The following RHOBTB3 variants were observed in gnomAD, a reference collection of about 807,000 sequenced individuals.
RHOBTB3 encodes the protein rho-related BTB domain-containing protein 3.
RHOBTB3 carries 47 observed loss-of-function variants against 67.2 expected under a neutral mutation model. The observed-to-expected ratio is 0.70, with a 90% CI of 0.55 to 0.89. RHOBTB3 has a LOEUF of 0.89. Ranked by LOEUF, RHOBTB3 falls within the 40% of genes least tolerant of loss-of-function variation. The pLI is 0.00. For synonymous variants in RHOBTB3, 273 were observed against 274.2 expected (o/e 1.00, Z 0.04); for missense variants, 631 against 750.0 (o/e 0.84, Z 1.85).
At chr5:95,790,798 C>A (rs760503266) in intron 11 of RHOBTB3, among the ~76,000 whole-genome samples, 1 of 152,222 alleles carries the variant, frequency 6.6e-6, no homozygotes, top group Non-Finnish European at 1.5e-5. Context: ...TAGTTACTAA[C>A]TGGCCATCTA....
intron 6 of RHOBTB3, among the ~76,000 whole-genome samples, chr5:95,761,491 C>T (rs778937107): frequency 7.9e-5 from 12 of 151,968 alleles, no homozygotes; most frequent in South Asian, 4.1e-4. Context: ...TACAGGCAGA[C>T]GCCACCATGC....
chr5:95,735,372 C>T (rs1755429446), intron 2 of RHOBTB3, among the ~76,000 whole-genome samples: 1 of 150,296 alleles, frequency 6.7e-6, no homozygotes, highest in Non-Finnish European at 1.5e-5. Flanking sequence ...TCTGAGTGTA[C>T]TTGTGGGAAA....
chr5:95,770,299 A>G (rs1278690577), intron 8 of RHOBTB3: 2 of 283,264 alleles, frequency 7.1e-6, no homozygotes, highest in Non-Finnish European at 1.5e-5. Flanking sequence ...AAGAGCTGCT[A>G]CTGAAGAAGA....
chr5:95,743,479 G>A (rs1369463594), intron 3 of RHOBTB3, among the ~76,000 whole-genome samples: 1 of 152,018 alleles, frequency 6.6e-6, no homozygotes, highest in Non-Finnish European at 1.5e-5. Flanking sequence ...GCTGCAGTGT[G>A]AGCCTGTACT....
intron 4 of RHOBTB3, among the ~76,000 whole-genome samples, chr5:95,749,355 G>A (rs183110549): frequency 1.3e-5 from 2 of 152,294 alleles, no homozygotes; most frequent in Non-Finnish European, 2.9e-5. Context: ...AAATGTTGAG[G>A]TTCCACAGAT....
At chr5:95,792,388 G>GA (rs752562205) in intron 11 of RHOBTB3, among the ~76,000 whole-genome samples, 16,628 of 83,244 alleles carry the variant, frequency 0.2, 1,648 homozygotes, top group South Asian at 0.31. Context: ...CTCCGTCTCA[G>GA]AAAAAAAAAA....
intron 5 of RHOBTB3, among the ~76,000 whole-genome samples, chr5:95,753,795 TAC>T (rs1279669105): frequency 1.3e-5 from 2 of 152,148 alleles, no homozygotes; most frequent in African/African-American, 2.4e-5. Flanking sequence ...AGCAAAACAT[TAC>T]ATGTCATTTA....
Position 95,785,085 on chromosome 5 carries a change from C to G in RHOBTB3, c.1623+1122C>G, listed in dbSNP as rs540253223. ...CTCCATCCACATTGCTAAAATGGAG[C>G]CACATGATGGGGCAAATTCCAGATC... On this transcript the variant is annotated intron_variant, in intron 10 of 11. Transcript: ENST00000379982. 9.6e-4 allele frequency among the ~76,000 whole-genome samples: 146 copies of G among 152,320 alleles called. 4 individuals carry two copies. The South Asian group carries it at 0.029, about 31-fold the overall frequency.
intron 3 of RHOBTB3, among the ~76,000 whole-genome samples, chr5:95,743,458 C>T (rs531966144): frequency 6.6e-6 from 1 of 152,170 alleles, no homozygotes; most frequent in South Asian, 2.1e-4. Flanking sequence ...GCAGGGAGCA[C>T]TCTAGGTGTG....
intron 3 of RHOBTB3, among the ~76,000 whole-genome samples, chr5:95,744,363 G>C (rs2432034): frequency 0.49 from 75,124 of 151,918 alleles, 19,207 homozygotes; most frequent in East Asian, 0.83. Context: ...CTCCTCTGTT[G>C]TGTGGTGGCT....
intron 1 of RHOBTB3, among the ~76,000 whole-genome samples, chr5:95,725,603 CT>C (rs551959637): frequency 6.6e-6 from 1 of 152,206 alleles, no homozygotes. Flanking sequence ...CTTTTCTGCA[CT>C]TTTTTTGTGT....
At chr5:95,760,201 A>G (rs1221270452) in intron 6 of RHOBTB3, among the ~76,000 whole-genome samples, 1 of 152,252 alleles carries the variant, frequency 6.6e-6, no homozygotes, top group Non-Finnish European at 1.5e-5. Flanking sequence ...CTATTGAATA[A>G]CAACAAACAC....
At chr5:95,779,738 T>G (rs1043767854) in intron 8 of RHOBTB3, among the ~76,000 whole-genome samples, 1 of 152,202 alleles carries the variant, frequency 6.6e-6, no homozygotes, top group Admixed American at 6.5e-5. Flanking sequence ...TCTCCTTGGC[T>G]CCACAAGAGA....
chr5:95,780,562 G>T, intron 9 of RHOBTB3, 137 bp downstream of exon 9: 2 of 738,066 alleles, frequency 2.7e-6, no homozygotes, highest in Non-Finnish European at 4.4e-6. Flanking sequence ...AGCAATTAGA[G>T]GTGGTGCTGG....
At chr5:95,786,976 T>C (rs1561457548) in intron 10 of RHOBTB3, among the ~76,000 whole-genome samples, 1 of 152,250 alleles carries the variant, frequency 6.6e-6, no homozygotes, top group Admixed American at 6.5e-5. Context: ...CCCCCACATG[T>C]GCTACCAATT....
Position 95,783,561 on chromosome 5 carries a change from CAAAAA to C in RHOBTB3, c.1457-216_1457-212del, listed in dbSNP as rs201633409. Reference sequence around the variant, plus strand: ...GGCAACATAGTGAGACCTGTCTCTACAAAAAAAAAAAAAAAAAAAAAAAAGAAGAA... The same window carrying C: ...GGCAACATAGTGAGACCTGTCTCTACAAAAAAAAAAAAAAAAAAAGAAGAA... On this transcript the variant is annotated intron_variant, in intron 9 of 11. Coordinates refer to ENST00000379982, the MANE Select transcript of RHOBTB3 (RefSeq NM_014899.4). The C allele has an allele frequency of 2.5e-3, 273 of 107,618 alleles. 2 individuals carry two copies. Among genetic ancestry groups the C allele is most frequent in the African/African-American group, 9.6e-3 (201 of 20,920 alleles). 6.7% of individuals were successfully genotyped at this position (107,618 alleles called of 1,614,324 possible).
At chr5:95,725,273 T>A (rs1464362893) in intron 1 of RHOBTB3, among the ~76,000 whole-genome samples, 1 of 152,188 alleles carries the variant, frequency 6.6e-6, no homozygotes, top group African/African-American at 2.4e-5. Flanking sequence ...TTACAAATGA[T>A]GATGAATAAA....
intron 3 of RHOBTB3, 93 bp from the exon 4 acceptor site, chr5:95,748,240 T>G (rs2112790951): frequency 1.2e-4 from 105 of 869,226 alleles, no homozygotes; most frequent in East Asian, 3.9e-4. Context: ...GGCTCTAGTA[T>G]GAGCTCTTTG....
rs1477097478 is a variant in RHOBTB3, at chr5:95,780,278, A to C, written c.1309A>C (p.Ile437Leu). ...QGTTVPAHRA[I>L]LVARCEVMAA... ...TACGACAGTGCCAGCCCACAGGGCC[A>C]TCCTGGTGGCCCGTTGTGAAGTGAT... The change falls in exon 9 of 12, where the codon ATC (isoleucine) becomes CTC (leucine). Residue 437 changes from isoleucine to leucine, a missense_variant. Physicochemically the swap from Ile to Leu is conservative, Grantham distance 5 (BLOSUM62 2). Coordinates refer to ENST00000379982, the MANE Select transcript of RHOBTB3 (RefSeq NM_014899.4). The C allele has an allele frequency of 6.2e-7, 1 of 1,613,846 alleles. No homozygotes were observed. The highest frequency in any genetic ancestry group is 8.5e-7 in the Non-Finnish European group (1 of 1,179,866).
Sources: gnomAD v4.1 joint callset for allele counts (sites outside exome capture counted in the v4.1 genomes callset) on GRCh38, gnomAD v4.1.1 for gene constraint, MANE v1.5 for transcripts, NCBI Gene and HGNC (gene_info 2026-07-23, HGNC 2026-07-21) for gene names.